Variants in NBEA observed in about 807,000 individuals in gnomAD.
NBEA encodes neurobeachin, also known as lysosomal-trafficking regulator 2.
NBEA carries 44 observed loss-of-function variants against 343.4 expected under a neutral mutation model. The ratio of observed to expected loss-of-function variants is 0.13; its 90% confidence interval spans 0.10 to 0.16. NBEA has a LOEUF of 0.16. NBEA is among the 10% of genes least tolerant of loss of function. The pLI is 1.00. For missense variants in NBEA, 2,555 were observed against 3,631.3 expected, an observed-to-expected ratio of 0.70 and a Z score of 7.62; for synonymous variants, 1,175 against 1,238.7, an observed-to-expected ratio of 0.95 and a Z score of 1.08.
chr13:35,147,997 T>A (rs544352006), intron 18 of NBEA, among the ~76,000 whole-genome samples: 2 of 152,318 alleles, frequency 1.3e-5, no homozygotes, highest in Non-Finnish European at 2.9e-5. Flanking sequence ...GGCTTTGACT[T>A]GTTCTTGGGA....
Position 35,628,125 on chromosome 13 carries a change from C to G in NBEA, c.7494C>G (p.Ile2498Met), listed in dbSNP as rs745924046. The G allele has an allele frequency of 1.2e-6, 2 of 1,612,876 alleles. No homozygotes were observed. Among genetic ancestry groups the G allele is most frequent in the African/African-American group, 2.7e-5 (2 of 74,902 alleles). Residue 2498 changes from isoleucine (I) to methionine (M), a missense_variant, in exon 49 of 59, where the codon ATC (isoleucine) becomes ATG (methionine). Ile to Met is a conservative substitution (Grantham distance 10, BLOSUM62 1). Coordinates refer to ENST00000379939, the MANE Select transcript of NBEA (RefSeq NM_001385012.1). The part of the protein sequence containing the change: ...EFVSCQLHQW[I>M]DLIFGYKQRG... Reference sequence around the variant, plus strand: ...TTTCTTGCCAACTTCATCAGTGGATCGACCTTATATTTGGCTATAAGCAGC... The same window carrying G: ...TTTCTTGCCAACTTCATCAGTGGATGGACCTTATATTTGGCTATAAGCAGC...
chr13:35,417,764 A>G (rs979656804), intron 38 of NBEA, among the ~76,000 whole-genome samples: 2 of 152,060 alleles, frequency 1.3e-5, no homozygotes, highest in Non-Finnish European at 2.9e-5. Context: ...CTTGGTGCAG[A>G]GCTGAGTTCA....
chr13:35,229,726 TAATC>T (rs925141108), intron 33 of NBEA, among the ~76,000 whole-genome samples: 9 of 152,120 alleles, frequency 5.9e-5, no homozygotes, highest in African/African-American at 1.7e-4. Flanking sequence ...TTTTTGTAAT[TAATC>T]CTTATTTTCA....
At chr13:35,656,122 C>T (rs1296497238) in intron 55 of NBEA, among the ~76,000 whole-genome samples, 1 of 152,152 alleles carries the variant, frequency 6.6e-6, no homozygotes, top group Non-Finnish European at 1.5e-5. Context: ...AAGATTTTGC[C>T]TGTGTCTCAT....
chr13:35,330,352 G>A (rs974799126), intron 36 of NBEA, among the ~76,000 whole-genome samples: 1 of 151,944 alleles, frequency 6.6e-6, no homozygotes, highest in African/African-American at 2.4e-5. Flanking sequence ...TATTTAAGTG[G>A]CACTTTAGCT....
intron 33 of NBEA, among the ~76,000 whole-genome samples, chr13:35,226,323 C>G (rs2074649241): frequency 6.6e-6 from 1 of 152,062 alleles, no homozygotes; most frequent in Non-Finnish European, 1.5e-5. Flanking sequence ...TGAAGCAGCT[C>G]CCTTCTAGGG....
intron 6 of NBEA, among the ~76,000 whole-genome samples, chr13:35,054,331 TGACAC>T (rs2063168510): frequency 2.0e-5 from 3 of 152,138 alleles, no homozygotes; most frequent in African/African-American, 7.2e-5. Context: ...TAAATTTATT[TGACAC>T]TCTTTTTACG....
intron 1 of NBEA, among the ~76,000 whole-genome samples, chr13:34,981,625 T>A (rs2152507189): frequency 6.6e-6 from 1 of 152,348 alleles, no homozygotes; most frequent in East Asian, 1.9e-4. Context: ...TCAGAGATTT[T>A]GGTCTGCAAT....
intron 58 of NBEA, among the ~76,000 whole-genome samples, chr13:35,670,681 C>T (rs2085579278): frequency 6.6e-6 from 1 of 152,216 alleles, no homozygotes; most frequent in Non-Finnish European, 1.5e-5. Flanking sequence ...TGCAGCAGGG[C>T]TGGCTGTCCA....
chr13:35,401,304 C>T (rs1208248961), intron 38 of NBEA, among the ~76,000 whole-genome samples: 1 of 151,916 alleles, frequency 6.6e-6, no homozygotes, highest in Non-Finnish European at 1.5e-5. Flanking sequence ...CATGACTGAG[C>T]TAACGTGCTT....
At chr13:35,331,623 C>T (rs2038931947) in intron 36 of NBEA, among the ~76,000 whole-genome samples, 3 of 151,958 alleles carry the variant, frequency 2.0e-5, no homozygotes, top group South Asian at 4.1e-4. Context: ...CAAAGACATG[C>T]ATTTAAAAGA....
chr13:35,567,048 C>T, intron 45 of NBEA, 31 bp downstream of exon 45: 1 of 1,159,620 alleles, frequency 8.6e-7, no homozygotes, highest in Non-Finnish European at 1.3e-6. Context: ...AGTCAGCTTT[C>T]TTCATAAGGC....
intron 57 of NBEA, among the ~76,000 whole-genome samples, chr13:35,667,811 A>G (rs1285520918): frequency 1.3e-5 from 2 of 152,188 alleles, no homozygotes; most frequent in East Asian, 3.9e-4. Context: ...TAAAGCTTAG[A>G]ACCTCGGGAG....
At chr13:35,158,268 AAT>A (rs1162035018) in intron 21 of NBEA, among the ~76,000 whole-genome samples, 24 of 152,096 alleles carry the variant, frequency 1.6e-4, no homozygotes, top group Admixed American at 5.9e-4. Flanking sequence ...AACTTATTTA[AAT>A]ATACATTAAT....
At chr13:35,667,597 A>G in intron 57 of NBEA, 27 bp downstream of exon 57, 1 of 1,583,342 alleles carries the variant, frequency 6.3e-7, no homozygotes, top group Non-Finnish European at 8.7e-7. Flanking sequence ...CGTGCTAAGT[A>G]GGACTGAAGC....
intron 28 of NBEA, among the ~76,000 whole-genome samples, chr13:35,178,690 T>C (rs1441299315): frequency 6.6e-6 from 1 of 151,620 alleles, no homozygotes; most frequent in Non-Finnish European, 1.5e-5. Context: ...AAATTTTTTA[T>C]AATAAACCTA....
chr13:35,099,315 C>G (rs2065513734), intron 11 of NBEA, among the ~76,000 whole-genome samples: 1 of 151,390 alleles, frequency 6.6e-6, no homozygotes, highest in South Asian at 2.1e-4. Flanking sequence ...TCTCCTGCCT[C>G]AGCCTCCCAG....
intron 1 of NBEA, among the ~76,000 whole-genome samples, chr13:34,960,303 TTG>T (rs1345760772): frequency 6.6e-6 from 1 of 152,150 alleles, no homozygotes; most frequent in African/African-American, 2.4e-5. Context: ...TATAATGTGT[TTG>T]TGTTTTAAGC....
chr13:35,419,826 C>A (rs1319386310), intron 38 of NBEA, among the ~76,000 whole-genome samples: 1 of 151,904 alleles, frequency 6.6e-6, no homozygotes, highest in African/African-American at 2.4e-5. Flanking sequence ...GAGGTGCAGT[C>A]TAAAAAAGTA....
Sources: allele counts gnomAD v4.1 joint callset (sites outside exome capture counted in the v4.1 genomes callset), GRCh38; gene constraint gnomAD v4.1.1; transcripts MANE v1.5; gene names NCBI Gene and HGNC (gene_info 2026-07-23, HGNC 2026-07-21).